The following SPAG9 variants were observed in gnomAD, a reference collection of about 807,000 sequenced individuals.
The protein encoded by SPAG9 is sperm associated antigen 9.
In SPAG9, 35 loss-of-function variants were observed where a neutral mutation model predicts 166.5. That is an observed-to-expected ratio of 0.21 (90% CI 0.16 to 0.28). The LOEUF is 0.28. Ranked by LOEUF, SPAG9 falls within the 10% of genes least tolerant of loss-of-function variation. The pLI is 1.00. For synonymous variants in SPAG9, 534 were observed against 565.5 expected, an observed-to-expected ratio of 0.94 and a Z score of 0.79; for missense variants, 1,235 against 1,603.3, an observed-to-expected ratio of 0.77 and a Z score of 3.92.
Position 50,995,130 on chromosome 17 carries a change from C to G in SPAG9, c.2153G>C (p.Gly718Ala), listed in dbSNP as rs757788202. ...CTGTTTACTGCCTTCTGTATCCAAA[C>G]CAGCAACATCCTTGTAAAATACACT... Reference protein sequence around the residue: ...GASVFYKDVAGLDTEGSKQRS... With the variant: ...GASVFYKDVAALDTEGSKQRS... Residue 718 changes from glycine to alanine, a missense_variant, in exon 18 of 30, where the codon GGT becomes GCT. Transcript: ENST00000262013. The G allele has an allele frequency of 1.2e-6, 2 of 1,614,094 alleles. No individual in the cohort carries two copies. The highest frequency in any genetic ancestry group is 1.7e-6 in the Non-Finnish European group (2 of 1,179,952).
intron 1 of SPAG9, among the ~76,000 whole-genome samples, chr17:51,116,138 C>T (rs1193515977): frequency 6.6e-6 from 1 of 152,026 alleles, no homozygotes; most frequent in African/African-American, 2.4e-5. Context: ...CTCCATCTCC[C>T]GGGTTCAAGC....
intron 1 of SPAG9, among the ~76,000 whole-genome samples, chr17:51,081,220 G>C (rs1006204750): frequency 1.3e-5 from 2 of 152,070 alleles, no homozygotes; most frequent in African/African-American, 4.8e-5. Context: ...ATATTCTAGA[G>C]GATCTAGGAG....
chr17:50,991,768 C>T (rs1330584529), intron 19 of SPAG9, among the ~76,000 whole-genome samples: 4 of 151,546 alleles, frequency 2.6e-5, no homozygotes, highest in African/African-American at 4.8e-5. Context: ...CGATTACAAG[C>T]GCCTGCCACT....
In SPAG9 at chr17:50,997,276, A is replaced by G. The variant is rs2044723613; in HGVS notation, c.1839-582T>C. Among the ~76,000 whole-genome samples the G allele has an allele frequency of 2.0e-5, 3 of 152,286 alleles. No individual in the cohort carries two copies. The South Asian group carries it at 6.2e-4, about 32-fold the overall frequency. On this transcript the variant is annotated intron_variant, in intron 15 of 29. Transcript: ENST00000262013. ...AATTGAATCATCAGCCACCAAATTT[A>G]TATCAGGTTTCAGATGCTGGCCATA...
At chr17:50,975,053 T>A (rs1413916864) in intron 27 of SPAG9, 106 bp from the exon 28 acceptor site, 3 of 1,088,290 alleles carry the variant, frequency 2.8e-6, no homozygotes, top group Middle Eastern at 3.0e-4. Flanking sequence ...CTACAGCCAG[T>A]TGAGATAAAA....
chr17:51,050,215 T>G (rs2047143803), intron 3 of SPAG9, among the ~76,000 whole-genome samples: 1 of 152,090 alleles, frequency 6.6e-6, no homozygotes, highest in South Asian at 2.1e-4. Flanking sequence ...CAATTCTAAC[T>G]CAACCAAACT....
At chr17:51,061,545 G>A (rs1442764518) in intron 2 of SPAG9, among the ~76,000 whole-genome samples, 1 of 144,080 alleles carries the variant, frequency 6.9e-6, no homozygotes, top group Non-Finnish European at 1.5e-5. Flanking sequence ...GGGAGGTGGA[G>A]GTTGCAGTGA....
chr17:50,964,777 G>C lies in SPAG9; in HGVS notation c.*1495C>G. The C allele has an allele frequency of 2.2e-6, 1 of 448,782 alleles. No homozygotes were observed. The highest frequency in any genetic ancestry group is 1.6e-5 in the South Asian group (1 of 63,476). The allele number at this position is 448,782 out of a possible 1,614,324, so 27.8% of individuals were successfully genotyped here. A position where few individuals can be genotyped will look rare whatever the true frequency, so the allele number is the denominator to read the frequency against. ...TTGCTTGTTTGTCTGTTTTGAGACA[G>C]GGTCTTGCTCCGTCACCCAGGCTGG... On this transcript the variant is annotated 3_prime_UTR_variant, in exon 30 of 30. Coordinates refer to ENST00000262013, the MANE Select transcript of SPAG9 (RefSeq NM_001130528.3).
At chr17:51,065,396 T>C (rs2047635052) in intron 2 of SPAG9, among the ~76,000 whole-genome samples, 1 of 152,122 alleles carries the variant, frequency 6.6e-6, no homozygotes, top group Non-Finnish European at 1.5e-5. Context: ...GAGCAAATTA[T>C]GTCTTAATTT....
At chr17:51,015,522 A>G (rs973544721) in intron 8 of SPAG9, among the ~76,000 whole-genome samples, 5 of 152,174 alleles carry the variant, frequency 3.3e-5, no homozygotes, top group African/African-American at 4.8e-5. Flanking sequence ...AGATGTCTAA[A>G]GAAGGCCTCT....
At chr17:51,093,498 C>G (rs553319621) in intron 1 of SPAG9, among the ~76,000 whole-genome samples, 1 of 151,656 alleles carries the variant, frequency 6.6e-6, no homozygotes, top group Non-Finnish European at 1.5e-5. Context: ...GTCAGGAGAT[C>G]GAGACCGTCC....
rs1973211430 is a variant in SPAG9, at chr17:50,963,468, A to AT, written c.*2803dup. Reference sequence around the variant, plus strand: ...ACATAAGGACAAGCCTTTAAAGCAAATTATACAGGCATTTTTGTCCTCTCT... The same window carrying AT: ...ACATAAGGACAAGCCTTTAAAGCAAATTTATACAGGCATTTTTGTCCTCTCT... On this transcript the variant is annotated 3_prime_UTR_variant, in exon 30 of 30. Coordinates refer to ENST00000262013, the MANE Select transcript of SPAG9 (RefSeq NM_001130528.3). 1 of 152,248 alleles carries AT rather than the reference A, an allele frequency of 6.6e-6. No individual in the cohort carries two copies. Among genetic ancestry groups the AT allele is most frequent in the Non-Finnish European group, 1.5e-5 (1 of 68,046 alleles). 9.4% of individuals were successfully genotyped at this position (152,248 alleles called of 1,614,324 possible). A position where few individuals can be genotyped will look rare whatever the true frequency, so the allele number is the denominator to read the frequency against.
At chr17:51,099,186 C>T (rs2048730789) in intron 1 of SPAG9, among the ~76,000 whole-genome samples, 1 of 150,732 alleles carries the variant, frequency 6.6e-6, no homozygotes, top group Non-Finnish European at 1.5e-5. Flanking sequence ...GTAATCCCAA[C>T]ACTTTGAGAG....
intron 1 of SPAG9, among the ~76,000 whole-genome samples, chr17:51,081,698 C>G (rs748866320): frequency 6.6e-6 from 1 of 151,590 alleles, no homozygotes; most frequent in East Asian, 1.9e-4. Flanking sequence ...GCTGAGATCA[C>G]GCCATTGCAC....
intron 2 of SPAG9, among the ~76,000 whole-genome samples, chr17:51,077,057 G>T (rs766250468): frequency 0.056 from 7,101 of 126,852 alleles, 637 homozygotes; most frequent in African/African-American, 0.19. Flanking sequence ...TATCTAGCTA[G>T]CTATCTAGCT....
intron 22 of SPAG9, 46 bp downstream of exon 22, chr17:50,987,066 C>A: frequency 1.3e-6 from 2 of 1,555,678 alleles, no homozygotes; most frequent in South Asian, 1.2e-5. Flanking sequence ...ATTTCAAAAG[C>A]AAAAGTAAAA....
chr17:51,104,644 A>C (rs1455960792), intron 1 of SPAG9, among the ~76,000 whole-genome samples: 1 of 151,878 alleles, frequency 6.6e-6, no homozygotes, highest in Non-Finnish European at 1.5e-5. Context: ...CTCAAAAATA[A>C]ATAAATAGGC....
intron 8 of SPAG9, among the ~76,000 whole-genome samples, chr17:51,018,636 C>A (rs1170453901): frequency 6.6e-6 from 1 of 152,090 alleles, no homozygotes; most frequent in African/African-American, 2.4e-5. Flanking sequence ...TGCACAAACT[C>A]CAGGTAAGTG....
chr17:51,097,207 C>G (rs1174852435), intron 1 of SPAG9, among the ~76,000 whole-genome samples: 3 of 152,234 alleles, frequency 2.0e-5, no homozygotes, highest in Non-Finnish European at 4.4e-5. Flanking sequence ...AGCTCTGCAC[C>G]ACTACCCCCA....
Sources: gnomAD v4.1 joint callset for allele counts (sites outside exome capture counted in the v4.1 genomes callset) on GRCh38, gnomAD v4.1.1 for gene constraint, MANE v1.5 for transcripts, NCBI Gene and HGNC (gene_info 2026-07-23, HGNC 2026-07-21) for gene names.